NT5C2: variants seen among roughly 807,000 people sequenced by gnomAD.
NT5C2 encodes the protein cytosolic purine 5'-nucleotidase.
In NT5C2, 58 loss-of-function variants were observed where a neutral mutation model predicts 76.1. The observed-to-expected ratio is 0.76, with a 90% CI of 0.62 to 0.95. The LOEUF (loss-of-function observed/expected upper bound fraction) is 0.95. NT5C2 is among the 40% of genes least tolerant of loss of function. The pLI is 0.00. For missense variants in NT5C2, 478 were observed against 690.3 expected (o/e 0.69, Z 3.45); for synonymous variants, 229 against 237.4 (o/e 0.96, Z 0.32).
At chr10:103,191,630 T>C (rs953675520) in intron 1 of NT5C2, among the ~76,000 whole-genome samples, 2 of 152,178 alleles carry the variant, frequency 1.3e-5, no homozygotes, top group African/African-American at 4.8e-5. Flanking sequence ...TTCTGAAAAC[T>C]TGTAGCTGAT....
chr10:103,106,534 G>T (rs755728317), intron 5 of NT5C2, 55 bp downstream of exon 5: 110 of 1,028,074 alleles, frequency 1.1e-4, no homozygotes, highest in Admixed American at 1.6e-4. Context: ...TAATTTGAGG[G>T]GTAAGGAAAG....
chr10:103,100,488 G>A (rs1362454202), intron 8 of NT5C2, among the ~76,000 whole-genome samples: 1 of 152,184 alleles, frequency 6.6e-6, no homozygotes, highest in East Asian at 1.9e-4. Flanking sequence ...AAGAGGATAA[G>A]AAGTTAGCCA....
chr10:103,130,583 TAA>T lies in NT5C2; in HGVS notation c.175+8821_175+8822del, dbSNP rs5787482. On this transcript the variant is annotated intron_variant, in intron 4 of 18. Transcript: ENST00000404739. ...ATAAATTTAAAAAAAAAATAAAAAT[TAA>T]AAAAAAAAAAAAGAAAAATTAGAAG... 3.8e-3 allele frequency among the ~76,000 whole-genome samples: 524 copies of T among 137,372 alleles called. 5 individuals carry two copies. The highest frequency in any genetic ancestry group is 9.8e-3 in the East Asian group (47 of 4,808). The allele number at this position is 137,372 out of a possible 152,430, so 90.1% of individuals were successfully genotyped here. A position where few individuals can be genotyped will look rare whatever the true frequency, so the allele number is the denominator to read the frequency against.
chr10:103,105,368 CA>C (rs2070962046), intron 6 of NT5C2: 1 of 956,310 alleles, frequency 1.0e-6, no homozygotes, highest in Non-Finnish European at 1.4e-6. Flanking sequence ...CTCTTCTGAA[CA>C]GCTACCTGAG....
chr10:103,123,394 T>C (rs936067925), intron 4 of NT5C2, among the ~76,000 whole-genome samples: 1 of 152,156 alleles, frequency 6.6e-6, no homozygotes, highest in Non-Finnish European at 1.5e-5. Context: ...CCTGGTAATC[T>C]TTATTTTTTG....
In NT5C2 at chr10:103,088,213, C is replaced by G. The variant is rs1326297541; in HGVS notation, c.*1459G>C. Reference sequence around the variant, plus strand: ...AGCTAATCTACCCTCCCCTATTGACCAATGACAAGAATGGAAGAAAATATA... The same window carrying G: ...AGCTAATCTACCCTCCCCTATTGACGAATGACAAGAATGGAAGAAAATATA... On this transcript the variant is annotated 3_prime_UTR_variant, in exon 19 of 19. Coordinates refer to ENST00000404739, the MANE Select transcript of NT5C2 (RefSeq NM_001351169.2). 1 of 152,072 alleles carries G rather than the reference C, an allele frequency of 6.6e-6. No individual in the cohort carries two copies. Among genetic ancestry groups the G allele is most frequent in the African/African-American group, 2.4e-5 (1 of 41,408 alleles). The allele number at this position is 152,072 out of a possible 1,614,324, so 9.4% of individuals were successfully genotyped here. A position where few individuals can be genotyped will look rare whatever the true frequency, so the allele number is the denominator to read the frequency against.
chr10:103,103,452 TC>T (rs1163555537), intron 6 of NT5C2, among the ~76,000 whole-genome samples: 2 of 152,184 alleles, frequency 1.3e-5, no homozygotes, highest in Admixed American at 1.3e-4. Context: ...ACTTCCCTAT[TC>T]CCTCCATCAT....
At chr10:103,171,251 T>G (rs568344564) in intron 3 of NT5C2, among the ~76,000 whole-genome samples, 1 of 152,338 alleles carries the variant, frequency 6.6e-6, no homozygotes, top group African/African-American at 2.4e-5. Context: ...TAACTTCTGA[T>G]ATACTCAATA....
intron 4 of NT5C2, among the ~76,000 whole-genome samples, chr10:103,108,454 T>C (rs2071993669): frequency 6.6e-6 from 1 of 152,156 alleles, no homozygotes; most frequent in African/African-American, 2.4e-5. Context: ...TCCAAGTTGG[T>C]GCTAATACTT....
At chr10:103,176,247 C>T (rs2089907176) in intron 2 of NT5C2, among the ~76,000 whole-genome samples, 1 of 152,164 alleles carries the variant, frequency 6.6e-6, no homozygotes, top group African/African-American at 2.4e-5. Flanking sequence ...TGGATTCTCC[C>T]ATCAGCGATC....
At chr10:103,105,415 A>G (rs750779418) in intron 6 of NT5C2, 16 of 853,038 alleles carry the variant, frequency 1.9e-5, no homozygotes, top group Non-Finnish European at 2.6e-5. Flanking sequence ...AAATCTTAGA[A>G]TTTCAAATAA....
intron 6 of NT5C2, chr10:103,105,427 T>A: frequency 1.3e-6 from 1 of 745,210 alleles, no homozygotes; most frequent in Non-Finnish European, 1.9e-6. Context: ...TTCAAATAAG[T>A]CAAAACTACT....
intron 1 of NT5C2, among the ~76,000 whole-genome samples, chr10:103,187,025 C>T (rs575431687): frequency 4.0e-5 from 6 of 151,334 alleles, no homozygotes; most frequent in African/African-American, 7.3e-5. Flanking sequence ...CTGAGGTGGG[C>T]GGATCACCTG....
intron 4 of NT5C2, among the ~76,000 whole-genome samples, chr10:103,115,179 C>T (rs2074031809): frequency 6.6e-6 from 1 of 152,162 alleles, no homozygotes; most frequent in African/African-American, 2.4e-5. Flanking sequence ...GGCAGGTGGA[C>T]TACCTGAGCT....
chr10:103,091,169 G>A (rs1470614473), intron 16 of NT5C2, among the ~76,000 whole-genome samples, 173 bp from the exon 17 acceptor site: 1 of 152,026 alleles, frequency 6.6e-6, no homozygotes, highest in Non-Finnish European at 1.5e-5. Context: ...CTAATTAGCT[G>A]GGATTACAGG....
intron 4 of NT5C2, among the ~76,000 whole-genome samples, chr10:103,122,237 C>T (rs1240278630): frequency 1.3e-5 from 2 of 152,152 alleles, no homozygotes; most frequent in South Asian, 2.1e-4. Flanking sequence ...TGAGGCTTAA[C>T]GAAGCTTTAA....
At chr10:103,158,186 G>GA (rs1373463447) in intron 3 of NT5C2, among the ~76,000 whole-genome samples, 1 of 151,560 alleles carries the variant, frequency 6.6e-6, no homozygotes, top group Non-Finnish European at 1.5e-5. Context: ...ACAATTTAAC[G>GA]AAAAAAAGGA....
chr10:103,161,894 G>C (rs1021054738), intron 3 of NT5C2, among the ~76,000 whole-genome samples: 4 of 152,190 alleles, frequency 2.6e-5, no homozygotes, highest in Non-Finnish European at 1.5e-5. Context: ...GGGAAACGTG[G>C]AGTGGACTAC....
At chr10:103,138,592 C>T (rs1444167164) in intron 4 of NT5C2, among the ~76,000 whole-genome samples, 2 of 152,158 alleles carry the variant, frequency 1.3e-5, no homozygotes, top group Non-Finnish European at 2.9e-5. Context: ...TCATTCATGT[C>T]CCTGCAAAAG....
Sources: gnomAD v4.1 joint callset for allele counts (sites outside exome capture counted in the v4.1 genomes callset) on GRCh38, gnomAD v4.1.1 for gene constraint, MANE v1.5 for transcripts, NCBI Gene and HGNC (gene_info 2026-07-23, HGNC 2026-07-21) for gene names.